Variants in TMEM108 observed in about 807,000 individuals in gnomAD.
The protein encoded by TMEM108 is transmembrane protein 108.
A neutral mutation model predicts 35.1 loss-of-function variants in TMEM108; 12 were observed. That is an observed-to-expected ratio of 0.34 (90% CI 0.22 to 0.55). The LOEUF is 0.55. Among genes scored for constraint, TMEM108 ranks in the 20% least tolerant of loss-of-function variants. The pLI is 0.89. For synonymous variants in TMEM108, 287 were observed against 308.6 expected, an observed-to-expected ratio of 0.93 and a Z score of 0.73; for missense variants, 680 against 753.3, an observed-to-expected ratio of 0.90 and a Z score of 1.14.
intron 5 of TMEM108, among the ~76,000 whole-genome samples, chr3:133,390,946 C>G (rs569672230): frequency 6.6e-4 from 101 of 152,318 alleles, no homozygotes; most frequent in Middle Eastern, 3.4e-3. Flanking sequence ...CCTGGCTGGT[C>G]AGTGAGTGAG....
intron 3 of TMEM108, among the ~76,000 whole-genome samples, chr3:133,244,612 T>C (rs1451584930): frequency 6.6e-6 from 1 of 152,246 alleles, no homozygotes; most frequent in African/African-American, 2.4e-5. Context: ...ATTTTATTCT[T>C]TCCCTGGAGA....
At chr3:133,166,025 T>A (rs1441221049) in intron 2 of TMEM108, among the ~76,000 whole-genome samples, 1 of 152,222 alleles carries the variant, frequency 6.6e-6, no homozygotes, top group Non-Finnish European at 1.5e-5. Context: ...CTGAAATCAG[T>A]CTTGTCCAAT....
chr3:133,287,133 C>T (rs1946997053), intron 3 of TMEM108, among the ~76,000 whole-genome samples: 1 of 152,276 alleles, frequency 6.6e-6, no homozygotes, highest in Non-Finnish European at 1.5e-5. Flanking sequence ...CTGTGGCTGG[C>T]TGGCAAGATG....
At chr3:133,282,013 T>C (rs573942199) in intron 3 of TMEM108, among the ~76,000 whole-genome samples, 6 of 152,100 alleles carry the variant, frequency 3.9e-5, no homozygotes, top group South Asian at 2.1e-4. Flanking sequence ...AAAAATTAGC[T>C]GGGCATGGTG....
At chr3:133,151,744 A>G (rs1358804799) in intron 2 of TMEM108, among the ~76,000 whole-genome samples, 1 of 152,178 alleles carries the variant, frequency 6.6e-6, no homozygotes, top group Non-Finnish European at 1.5e-5. Flanking sequence ...TCAAATAGCA[A>G]TAGAACCATT....
At position 133,182,235 on chromosome 3, in the gene TMEM108, G is replaced by A. The variant is rs185750123; in HGVS notation, c.-46-47031G>A. ...TTAACCAGACTACATTGAAGGCAAG[G>A]AAGGTTAACTTTTCCCTTCAGGACC... On this transcript the variant is annotated intron_variant, in intron 2 of 5. Coordinates refer to ENST00000321871, the MANE Select transcript of TMEM108 (RefSeq NM_023943.4). 1.7e-3 allele frequency among the ~76,000 whole-genome samples: 259 copies of A among 152,320 alleles called. 2 individuals carry two copies. The highest frequency in any genetic ancestry group is 6.0e-3 in the African/African-American group (250 of 41,574).
chr3:133,202,802 T>G (rs1945690727), intron 2 of TMEM108, among the ~76,000 whole-genome samples: 1 of 152,206 alleles, frequency 6.6e-6, no homozygotes, highest in South Asian at 2.1e-4. Flanking sequence ...ATATGAAATT[T>G]AAATTAGTTT....
intron 5 of TMEM108, among the ~76,000 whole-genome samples, chr3:133,392,109 G>T (rs926875801): frequency 6.7e-6 from 1 of 149,320 alleles, no homozygotes; most frequent in South Asian, 2.1e-4. Context: ...TCACTGGAGC[G>T]CCCCATCTCG....
At chr3:133,386,928 G>A (rs1386177470) in intron 4 of TMEM108, 5 of 816,634 alleles carry the variant, frequency 6.1e-6, no homozygotes, top group Non-Finnish European at 7.4e-6. Context: ...GAGCAATAGT[G>A]CCTTCCTCAG....
chr3:133,294,431 C>T (rs1030151025), intron 3 of TMEM108, among the ~76,000 whole-genome samples: 1 of 152,110 alleles, frequency 6.6e-6, no homozygotes, highest in African/African-American at 2.4e-5. Context: ...TGTCCCAGAG[C>T]CATCACCTCA....
intron 3 of TMEM108, among the ~76,000 whole-genome samples, chr3:133,320,082 A>G (rs1348190623): frequency 6.6e-6 from 1 of 152,188 alleles, no homozygotes; most frequent in Admixed American, 6.5e-5. Flanking sequence ...AGCCTGGGCA[A>G]CATAGACTCC....
Position 133,298,090 on chromosome 3 carries a change from A to G in TMEM108, c.40+68739A>G, listed in dbSNP as rs75768949. On this transcript the variant is annotated intron_variant, in intron 3 of 5. Transcript: ENST00000321871. ...CCCCTGATGAGCCACGCTACTGGAG[A>G]GAATTGGAGCAGGTAGCAAGGAGGT... 4.3e-3 allele frequency among the ~76,000 whole-genome samples: 659 copies of G among 152,252 alleles called. 8 individuals carry two copies. The highest frequency in any genetic ancestry group is 0.015 in the African/African-American group (611 of 41,522).
chr3:133,080,589 C>T (rs1329136478), intron 2 of TMEM108, among the ~76,000 whole-genome samples: 1 of 152,194 alleles, frequency 6.6e-6, no homozygotes, highest in Admixed American at 6.5e-5. Flanking sequence ...ATATACCTTT[C>T]CATAGCTCTT....
intron 2 of TMEM108, among the ~76,000 whole-genome samples, chr3:133,106,294 C>A (rs1480174738): frequency 6.8e-6 from 1 of 146,848 alleles, no homozygotes; most frequent in Non-Finnish European, 1.5e-5. Context: ...ACTCACAGTT[C>A]CTTTTTGTGG....
intron 3 of TMEM108, among the ~76,000 whole-genome samples, chr3:133,294,983 G>T (rs1036473257): frequency 6.6e-6 from 1 of 152,106 alleles, no homozygotes; most frequent in Non-Finnish European, 1.5e-5. Flanking sequence ...AGTACTTGGG[G>T]TTTATCTATC....
intron 5 of TMEM108, among the ~76,000 whole-genome samples, chr3:133,392,644 G>C (rs1619622): frequency 0.36 from 54,940 of 151,798 alleles, 10,807 homozygotes; most frequent in Non-Finnish European, 0.44. Flanking sequence ...CCTTGATTTC[G>C]CCCTCCCAAC....
intron 3 of TMEM108, among the ~76,000 whole-genome samples, chr3:133,303,568 A>C (rs1947261359): frequency 6.6e-6 from 1 of 152,156 alleles, no homozygotes; most frequent in African/African-American, 2.4e-5. Context: ...GCCCCAAAGG[A>C]ATCTGGTCAT....
At chr3:133,214,018 C>T (rs776555708) in intron 2 of TMEM108, among the ~76,000 whole-genome samples, 5 of 152,110 alleles carry the variant, frequency 3.3e-5, no homozygotes, top group East Asian at 1.9e-4. Context: ...TTTCTGGCTT[C>T]GGGGAATCAC....
At chr3:133,180,532 G>A (rs2107802668) in intron 2 of TMEM108, among the ~76,000 whole-genome samples, 1 of 151,936 alleles carries the variant, frequency 6.6e-6, no homozygotes, top group East Asian at 1.9e-4. Flanking sequence ...TTCCCCAGAA[G>A]CAAATAGCTT....
Sources: allele counts gnomAD v4.1 joint callset (sites outside exome capture counted in the v4.1 genomes callset), GRCh38; gene constraint gnomAD v4.1.1; transcripts MANE v1.5; gene names NCBI Gene and HGNC (gene_info 2026-07-23, HGNC 2026-07-21).